The following STK3 variants were observed in gnomAD, a reference collection of about 807,000 sequenced individuals.
The protein encoded by STK3 is serine/threonine-protein kinase 3.
Under a neutral mutation model 58.0 loss-of-function variants are expected in STK3, and 41 were observed. The ratio of observed to expected loss-of-function variants is 0.71; its 90% CI spans 0.55 to 0.92. The LOEUF is 0.92. STK3 is among the 40% of genes least tolerant of loss of function. The pLI is 0.00. For synonymous variants in STK3, 170 were observed against 191.0 expected, an observed-to-expected ratio of 0.89 and a Z score of 0.91; for missense variants, 479 against 602.7, an observed-to-expected ratio of 0.79 and a Z score of 2.15.
chr8:98,684,965 A>ATG (rs143370118), intron 6 of STK3, among the ~76,000 whole-genome samples: 19 of 151,986 alleles, frequency 1.3e-4, no homozygotes, highest in South Asian at 2.1e-4. Context: ...TGTTTCACTT[A>ATG]TGTGTGTGTG....
intron 8 of STK3, among the ~76,000 whole-genome samples, chr8:98,558,807 A>G (rs1316664729): frequency 1.3e-5 from 2 of 152,056 alleles, no homozygotes; most frequent in Non-Finnish European, 2.9e-5. Context: ...TAATACATAA[A>G]TTGTATTTTT....
intron 1 of STK3, among the ~76,000 whole-genome samples, chr8:98,810,246 G>A (rs564256910): frequency 6.6e-6 from 1 of 152,218 alleles, no homozygotes; most frequent in South Asian, 2.1e-4. Context: ...ATTTGGGCAG[G>A]GATACAGATC....
intron 1 of STK3, among the ~76,000 whole-genome samples, chr8:98,381,441 A>G (rs1281433471): frequency 2.0e-5 from 3 of 152,124 alleles, no homozygotes; most frequent in Admixed American, 1.3e-4. Flanking sequence ...TTCCTTTTCC[A>G]TATTTAATCC....
intron 6 of STK3, among the ~76,000 whole-genome samples, chr8:98,608,915 T>G (rs2130170926): frequency 6.6e-6 from 1 of 152,356 alleles, no homozygotes; most frequent in Admixed American, 6.5e-5. Flanking sequence ...GGGTTAAATA[T>G]CTATTTTTAA....
At chr8:98,345,524 T>A in the STK3 span, among the ~76,000 whole-genome samples, 1 of 152,032 alleles carries the variant, frequency 6.6e-6, no homozygotes, top group East Asian at 1.9e-4. Context: ...TGATGTCATC[T>A]AGGGAAAGGC....
chr8:98,832,003 G>A (rs969679111), intron 3 of STK3, among the ~76,000 whole-genome samples: 2 of 152,114 alleles, frequency 1.3e-5, no homozygotes, highest in African/African-American at 4.8e-5. Context: ...GGTGTTTCTA[G>A]GTTTGAATAA....
intron 10 of STK3, among the ~76,000 whole-genome samples, chr8:98,517,767 G>A (rs1563691569): frequency 6.6e-6 from 1 of 151,880 alleles, no homozygotes; most frequent in African/African-American, 2.4e-5. Context: ...AACACTGTTG[G>A]GCTATCAGTC....
intron 6 of STK3, among the ~76,000 whole-genome samples, chr8:98,663,572 G>A (rs1190867076): frequency 3.9e-5 from 6 of 152,148 alleles, no homozygotes; most frequent in East Asian, 3.9e-4. Context: ...ACATGCACAC[G>A]TATGTTTACT....
chr8:98,899,991 C>T (rs1412112224), intron 1 of STK3, among the ~76,000 whole-genome samples: 3 of 152,160 alleles, frequency 2.0e-5, no homozygotes, highest in Non-Finnish European at 4.4e-5. Flanking sequence ...TAACTGTTGG[C>T]TAGTAATATA....
intron 6 of STK3, among the ~76,000 whole-genome samples, chr8:98,649,514 C>A (rs1820705434): frequency 6.6e-6 from 1 of 152,154 alleles, no homozygotes; most frequent in South Asian, 2.1e-4. Flanking sequence ...ACCAAAGATT[C>A]AATTTTCTTT....
intron 1 of STK3, among the ~76,000 whole-genome samples, chr8:98,823,508 T>C (rs568837086): frequency 1.3e-5 from 2 of 152,350 alleles, no homozygotes; most frequent in South Asian, 2.1e-4. Flanking sequence ...TGCAGAATTC[T>C]GGCACTTTCT....
At chr8:98,740,521 A>G (rs1401637151) in intron 4 of STK3, among the ~76,000 whole-genome samples, 1 of 152,204 alleles carries the variant, frequency 6.6e-6, no homozygotes, top group Non-Finnish European at 1.5e-5. Context: ...GAGAAATAAA[A>G]TACTTAACAG....
intron 9 of STK3, among the ~76,000 whole-genome samples, chr8:98,535,248 A>G (rs1809658026): frequency 6.6e-6 from 1 of 152,200 alleles, no homozygotes. Context: ...GGTTTCACTG[A>G]AGCGTATTTC....
chr8:98,501,762 A>G (rs538674091), intron 10 of STK3, among the ~76,000 whole-genome samples: 7 of 152,142 alleles, frequency 4.6e-5, no homozygotes, highest in African/African-American at 1.7e-4. Flanking sequence ...CCATTGGTCT[A>G]TTTCTCTGTT....
intron 1 of STK3, among the ~76,000 whole-genome samples, chr8:98,938,760 G>A (rs541153254): frequency 6.6e-6 from 1 of 152,196 alleles, no homozygotes; most frequent in African/African-American, 2.4e-5. Context: ...GGGAGGGTTG[G>A]CAAGGTGTGG....
chr8:98,576,642 A>G (rs1480826121), intron 8 of STK3, among the ~76,000 whole-genome samples: 1 of 152,128 alleles, frequency 6.6e-6, no homozygotes, highest in African/African-American at 2.4e-5. Flanking sequence ...ATTCTTTTGG[A>G]TGCTATTATA....
chr8:98,712,805 C>G (rs911691341), intron 4 of STK3, among the ~76,000 whole-genome samples: 12 of 152,196 alleles, frequency 7.9e-5, no homozygotes, highest in Non-Finnish European at 1.8e-4. Flanking sequence ...CTACAGAACT[C>G]TCCACCCCAA....
intron 7 of STK3, among the ~76,000 whole-genome samples, chr8:98,593,686 A>G (rs1221520886): frequency 6.6e-6 from 1 of 152,230 alleles, no homozygotes; most frequent in Non-Finnish European, 1.5e-5. Context: ...GAGGCAGGAC[A>G]GTTTAATCCT....
chr8:98,411,713 T>A (rs1419802408), intron 3 of STK3, among the ~76,000 whole-genome samples: 1 of 152,250 alleles, frequency 6.6e-6, no homozygotes, highest in African/African-American at 2.4e-5. Context: ...GGGGCGACAC[T>A]GTCTCATTTA....
Sources: gnomAD v4.1 joint callset for allele counts (sites outside exome capture counted in the v4.1 genomes callset) on GRCh38, gnomAD v4.1.1 for gene constraint, MANE v1.5 for transcripts, NCBI Gene and HGNC (gene_info 2026-07-23, HGNC 2026-07-21) for gene names.